The following ADAM23 variants were observed in gnomAD, a reference collection of about 807,000 sequenced individuals.
ADAM23 encodes the protein disintegrin and metalloproteinase domain-containing protein 23.
ADAM23 carries 33 observed loss-of-function variants against 120.1 expected under a neutral mutation model. The ratio of observed to expected loss-of-function variants is 0.27; its 90% CI spans 0.21 to 0.37. The LOEUF (loss-of-function observed/expected upper bound fraction) is 0.37, where lower values mean the gene tolerates loss of function less well. Ranked by LOEUF, ADAM23 falls within the 10% of genes least tolerant of loss-of-function variation. The pLI is 1.00. For synonymous variants in ADAM23, 367 were observed against 375.2 expected (o/e 0.98, Z 0.25); for missense variants, 862 against 1,058.2 (o/e 0.81, Z 2.57).
chr2:206,443,855 GAGCTATGAGCCATGAAGCCGCCCGGC>G lies in ADAM23; in HGVS notation c.-8_18del, dbSNP rs1177291284. The G allele has an allele frequency of 1.2e-5, 13 of 1,120,398 alleles. No individual in the cohort carries two copies. Among genetic ancestry groups the G allele is most frequent in the African/African-American group, 6.7e-5 (4 of 60,150 alleles). 69.4% of individuals were successfully genotyped at this position (1,120,398 alleles called of 1,614,324 possible). On this transcript the variant is annotated start_lost and 5_prime_UTR_variant, in exon 1 of 26. Coordinates refer to ENST00000264377, the MANE Select transcript of ADAM23 (RefSeq NM_003812.4). ...GCCGGCCACACGGAGCGGCGCCCGG[GAGCTATGAGCCATGAAGCCGCCCGGC>G]AGCAGCTCGCGGCAGCCGCCCCTGG...
intron 3 of ADAM23, among the ~76,000 whole-genome samples, chr2:206,528,264 G>A (rs1696981218): frequency 6.6e-6 from 1 of 152,162 alleles, no homozygotes; most frequent in Non-Finnish European, 1.5e-5. Flanking sequence ...ATATCATAGT[G>A]CTGGTAGCCA....
At chr2:206,486,527 A>G (rs1417457756) in intron 3 of ADAM23, among the ~76,000 whole-genome samples, 1 of 152,160 alleles carries the variant, frequency 6.6e-6, no homozygotes, top group Non-Finnish European at 1.5e-5. Context: ...GCCAAAGCCT[A>G]TATTACCCAT....
intron 3 of ADAM23, among the ~76,000 whole-genome samples, chr2:206,487,033 G>A (rs1696028211): frequency 6.6e-6 from 1 of 152,156 alleles, no homozygotes; most frequent in Non-Finnish European, 1.5e-5. Context: ...CCATGTTGTA[G>A]CTGAGTAATA....
chr2:206,597,320 C>T (rs1698547737), intron 24 of ADAM23, among the ~76,000 whole-genome samples: 1 of 151,288 alleles, frequency 6.6e-6, no homozygotes, highest in South Asian at 2.1e-4. Flanking sequence ...GCTGGGATTA[C>T]AGGCACCTGC....
chr2:206,572,284 CAT>C (rs1318775529), intron 17 of ADAM23, among the ~76,000 whole-genome samples: 1 of 152,094 alleles, frequency 6.6e-6, no homozygotes, highest in African/African-American at 2.4e-5. Flanking sequence ...AGGAAAGTAA[CAT>C]ATGAATGCAC....
intron 2 of ADAM23, among the ~76,000 whole-genome samples, chr2:206,464,572 C>CAA (rs201816820): frequency 1.4e-5 from 2 of 140,360 alleles, no homozygotes; most frequent in Admixed American, 7.1e-5. Context: ...GAGACTGTCT[C>CAA]AAAAAAAAAA....
At chr2:206,573,310 A>G in intron 18 of ADAM23, 115 bp downstream of exon 18, 2 of 988,878 alleles carry the variant, frequency 2.0e-6, no homozygotes, top group South Asian at 2.7e-5. Flanking sequence ...ATTTTGGAAT[A>G]TTTGCATATT....
At chr2:206,457,905 T>C (rs973899332) in intron 2 of ADAM23, among the ~76,000 whole-genome samples, 4 of 152,218 alleles carry the variant, frequency 2.6e-5, no homozygotes, top group African/African-American at 7.2e-5. Context: ...TTTTTACTAA[T>C]TAAGGAAATG....
At chr2:206,462,668 C>T (rs2105860920) in intron 2 of ADAM23, among the ~76,000 whole-genome samples, 1 of 152,170 alleles carries the variant, frequency 6.6e-6, no homozygotes, top group African/African-American at 2.4e-5. Context: ...CCAAGTACCC[C>T]CATTTAAGGA....
chr2:206,604,015 C>T (rs1698687104), intron 24 of ADAM23, among the ~76,000 whole-genome samples: 1 of 151,662 alleles, frequency 6.6e-6, no homozygotes. Flanking sequence ...GCCTGTAATC[C>T]CAGCACTTTG....
intron 3 of ADAM23, among the ~76,000 whole-genome samples, chr2:206,505,872 G>T (rs200900768): frequency 4.6e-5 from 7 of 152,088 alleles, no homozygotes; most frequent in Admixed American, 1.3e-4. Flanking sequence ...GATCTCCACC[G>T]GCTGTCTAAA....
At chr2:206,528,374 T>C (rs1352954354) in intron 3 of ADAM23, among the ~76,000 whole-genome samples, 1 of 152,246 alleles carries the variant, frequency 6.6e-6, no homozygotes, top group Non-Finnish European at 1.5e-5. Flanking sequence ...ATCTGAGATT[T>C]TTAAAAAGGA....
intron 8 of ADAM23, among the ~76,000 whole-genome samples, chr2:206,549,239 C>G (rs1196397748): frequency 6.6e-6 from 1 of 151,162 alleles, no homozygotes; most frequent in Non-Finnish European, 1.5e-5. Context: ...TTTTATGAAA[C>G]TCTTATGATA....
chr2:206,448,777 C>T (rs1216798690), intron 2 of ADAM23, among the ~76,000 whole-genome samples: 3 of 152,190 alleles, frequency 2.0e-5, no homozygotes, highest in Non-Finnish European at 4.4e-5. Flanking sequence ...GGTGGAGTTC[C>T]TGGGGAGGGC....
At chr2:206,590,797 G>A (rs1698411727) in intron 21 of ADAM23, among the ~76,000 whole-genome samples, 5 of 152,180 alleles carry the variant, frequency 3.3e-5, no homozygotes, top group Admixed American at 3.3e-4. Flanking sequence ...TCAGGGGATA[G>A]GAGCAAGGGG....
At chr2:206,479,600 T>A (rs1373686800) in intron 2 of ADAM23, among the ~76,000 whole-genome samples, 3 of 152,208 alleles carry the variant, frequency 2.0e-5, no homozygotes, top group Non-Finnish European at 4.4e-5. Context: ...CAGAATGAAT[T>A]TGAAGACTAG....
chr2:206,502,635 C>G (rs1351477456), intron 3 of ADAM23, among the ~76,000 whole-genome samples: 6 of 151,946 alleles, frequency 3.9e-5, no homozygotes, highest in Non-Finnish European at 8.8e-5. Context: ...GAGCAAAGCC[C>G]CAGTATTGTT....
At chr2:206,489,473 G>C (rs1574493815) in intron 3 of ADAM23, among the ~76,000 whole-genome samples, 1 of 152,264 alleles carries the variant, frequency 6.6e-6, no homozygotes. Context: ...TGTGAACATT[G>C]CTTTCCATTT....
At chr2:206,457,689 C>G (rs1416368330) in intron 2 of ADAM23, among the ~76,000 whole-genome samples, 1 of 152,106 alleles carries the variant, frequency 6.6e-6, no homozygotes, top group Non-Finnish European at 1.5e-5. Context: ...TCACTTTCCT[C>G]TAGCAGTTTT....
Sources: allele counts gnomAD v4.1 joint callset (sites outside exome capture counted in the v4.1 genomes callset), GRCh38; gene constraint gnomAD v4.1.1; transcripts MANE v1.5; gene names NCBI Gene and HGNC (gene_info 2026-07-23, HGNC 2026-07-21).